ENPEP: variants seen among roughly 807,000 people sequenced by gnomAD.
ENPEP encodes the protein glutamyl aminopeptidase, also known as AP-A.
A neutral mutation model predicts 114.5 loss-of-function variants in ENPEP; 103 were observed. The ratio of observed to expected loss-of-function variants is 0.90; its 90% CI spans 0.77 to 1.06. ENPEP has a LOEUF of 1.06. Among genes scored for constraint, ENPEP ranks in the 50% least tolerant of loss-of-function variants. The probability of loss-of-function intolerance (pLI) is 0.00; values close to 1 mark genes in which losing one functional copy is unlikely to be tolerated. For missense variants in ENPEP, 1,196 were observed against 1,161.3 expected, an observed-to-expected ratio of 1.03 and a Z score of -0.43; for synonymous variants, 420 against 422.0, an observed-to-expected ratio of 1.00 and a Z score of 0.06.
In ENPEP at chr4:110,513,407, C is replaced by T; in HGVS notation, c.1309-8C>T. On this transcript the variant is annotated splice_polypyrimidine_tract_variant and splice_region_variant and intron_variant, in intron 6 of 19. Coordinates refer to ENST00000265162, the MANE Select transcript of ENPEP (RefSeq NM_001977.4). Reference sequence around the variant, plus strand: ...ACTATATTCCTTTGGCTCATTCTTTCATTTCAGCGTGACCAAATGTTACTT... The same window carrying T: ...ACTATATTCCTTTGGCTCATTCTTTTATTTCAGCGTGACCAAATGTTACTT... 8 of 1,609,454 alleles carry T rather than the reference C, an allele frequency of 5.0e-6. No individual in the cohort carries two copies. The highest frequency in any genetic ancestry group is 6.8e-6 in the Non-Finnish European group (8 of 1,178,080).
intron 6 of ENPEP, among the ~76,000 whole-genome samples, chr4:110,511,173 A>G (rs1352512922): frequency 2.0e-5 from 3 of 152,192 alleles, no homozygotes; most frequent in Admixed American, 2.0e-4. Flanking sequence ...AAAAAGTTAA[A>G]TGCTTGAAGC....
At chr4:110,560,107 T>C (rs952381068) in intron 19 of ENPEP, among the ~76,000 whole-genome samples, 2 of 152,230 alleles carry the variant, frequency 1.3e-5, no homozygotes, top group South Asian at 4.1e-4. Flanking sequence ...TCCATGTCCC[T>C]GCAAAGGACA....
intron 2 of ENPEP, among the ~76,000 whole-genome samples, chr4:110,490,655 A>G (rs1355529629): frequency 6.6e-6 from 1 of 152,244 alleles, no homozygotes; most frequent in African/African-American, 2.4e-5. Context: ...CAATTGCCCT[A>G]CTGCCAGTCG....
chr4:110,555,545 C>T (rs3796879), intron 18 of ENPEP, among the ~76,000 whole-genome samples: 12,008 of 151,984 alleles, frequency 0.079, 539 homozygotes, highest in South Asian at 0.14. Context: ...CACAAAGTCC[C>T]AAAGATACTT....
intron 10 of ENPEP, among the ~76,000 whole-genome samples, chr4:110,528,269 T>G (rs1001682955): frequency 1.3e-5 from 2 of 152,196 alleles, no homozygotes; most frequent in African/African-American, 4.8e-5. Flanking sequence ...TCTTCTCTGT[T>G]GAGAAAGTTT....
At chr4:110,536,064 A>T (rs1250459495) in intron 11 of ENPEP, among the ~76,000 whole-genome samples, 1 of 141,890 alleles carries the variant, frequency 7.0e-6, no homozygotes, top group Non-Finnish European at 1.5e-5. Context: ...CCGAGATTGC[A>T]CCATTGCACT....
chr4:110,547,518 G>A (rs1402587847), intron 13 of ENPEP, among the ~76,000 whole-genome samples: 1 of 152,024 alleles, frequency 6.6e-6, no homozygotes, highest in African/African-American at 2.4e-5. Flanking sequence ...AACAGGACAG[G>A]GAAGTGGGGA....
chr4:110,512,248 A>G (rs1471996555), intron 6 of ENPEP, among the ~76,000 whole-genome samples: 2 of 152,246 alleles, frequency 1.3e-5, no homozygotes, highest in Non-Finnish European at 2.9e-5. Context: ...TCACTGGTGA[A>G]AAATCGGAAG....
intron 3 of ENPEP, among the ~76,000 whole-genome samples, chr4:110,499,003 C>T (rs1359880422): frequency 6.6e-6 from 1 of 152,104 alleles, no homozygotes; most frequent in Non-Finnish European, 1.5e-5. Context: ...GAAACCAGGC[C>T]CTTACAATCC....
intron 5 of ENPEP, 58 bp from the exon 6 acceptor site, chr4:110,510,187 A>G (rs1725522385): frequency 7.3e-7 from 1 of 1,378,896 alleles, no homozygotes; most frequent in Admixed American, 1.7e-5. Flanking sequence ...GACATTTTCT[A>G]GGCCTCTCTA....
At chr4:110,546,489 T>C (rs1013383174) in intron 13 of ENPEP, among the ~76,000 whole-genome samples, 1 of 151,784 alleles carries the variant, frequency 6.6e-6, no homozygotes, top group African/African-American at 2.4e-5. Flanking sequence ...CAGGAGTCAC[T>C]AGGTAAGGGA....
intron 17 of ENPEP, among the ~76,000 whole-genome samples, chr4:110,551,936 C>T (rs1311103769): frequency 6.6e-6 from 1 of 152,134 alleles, no homozygotes; most frequent in Admixed American, 6.6e-5. Flanking sequence ...ACAGAGTCTG[C>T]TGAGTTTTCA....
At chr4:110,502,865 G>T (rs1350715713) in intron 3 of ENPEP, among the ~76,000 whole-genome samples, 1 of 151,952 alleles carries the variant, frequency 6.6e-6, no homozygotes, top group Non-Finnish European at 1.5e-5. Context: ...GGGCAGTATG[G>T]CCATTTTAAC....
At chr4:110,492,566 G>C (rs1248265205) in intron 3 of ENPEP, among the ~76,000 whole-genome samples, 1 of 152,102 alleles carries the variant, frequency 6.6e-6, no homozygotes, top group Non-Finnish European at 1.5e-5. Flanking sequence ...CTTTTCAAAG[G>C]GGCTGCATAT....
rs182937643 is a variant in ENPEP at position 110,516,914 on chromosome 4, A to G, written c.1509+1472A>G. On this transcript the variant is annotated intron_variant, in intron 8 of 19. Transcript: ENST00000265162. ...TCCATAAGTTTCAAACTCAAATGTT[A>G]TCATATATTCCCTCACTGTAAGCAT... 4.2e-4 allele frequency among the ~76,000 whole-genome samples: 64 copies of G among 152,206 alleles called. 1 individual carries two copies. The highest frequency in any genetic ancestry group is 8.5e-4 in the Admixed American group (13 of 15,296).
intron 1 of ENPEP, among the ~76,000 whole-genome samples, chr4:110,480,150 T>C (rs543903578): frequency 3.9e-4 from 60 of 152,238 alleles, no homozygotes; most frequent in Non-Finnish European, 7.8e-4. Flanking sequence ...GTATGTTTCA[T>C]TGGGAGCAGT....
chr4:110,498,017 A>T (rs925393985), intron 3 of ENPEP, among the ~76,000 whole-genome samples: 2 of 152,228 alleles, frequency 1.3e-5, no homozygotes, highest in African/African-American at 4.8e-5. Context: ...AACAATATAG[A>T]TTTATTTTCT....
intron 18 of ENPEP, 181 bp downstream of exon 18, chr4:110,553,636 A>AT (rs891904863): frequency 1.5e-4 from 71 of 482,078 alleles, no homozygotes; most frequent in African/African-American, 4.2e-4. Context: ...TTTAAGAACA[A>AT]TTTTTTTCTG....
chr4:110,557,219 G>A (rs985640201), intron 18 of ENPEP, among the ~76,000 whole-genome samples: 1 of 152,238 alleles, frequency 6.6e-6, no homozygotes, highest in African/African-American at 2.4e-5. Flanking sequence ...ACATGTCATA[G>A]AGGGTGAATA....
Sources: gnomAD v4.1 joint callset for allele counts (sites outside exome capture counted in the v4.1 genomes callset) on GRCh38, gnomAD v4.1.1 for gene constraint, MANE v1.5 for transcripts, NCBI Gene and HGNC (gene_info 2026-07-23, HGNC 2026-07-21) for gene names.